The following MACF1 variants were observed in gnomAD, a reference collection of about 807,000 sequenced individuals.
MACF1 encodes the protein microtubule actin crosslinking factor 1.
In MACF1, 193 loss-of-function variants were observed where a neutral mutation model predicts 854.8. The ratio of observed to expected loss-of-function variants is 0.23; its 90% CI spans 0.20 to 0.25. MACF1 has a LOEUF of 0.25. Among genes scored for constraint, MACF1 ranks in the 10% least tolerant of loss-of-function variants. The pLI, the probability that MACF1 is intolerant of heterozygous loss-of-function variation, is 1.00. For synonymous variants in MACF1, 3,185 were observed against 3,226.7 expected (o/e 0.99, Z 0.44); for missense variants, 7,722 against 8,929.1 (o/e 0.86, Z 5.45).
intron 18 of MACF1, among the ~76,000 whole-genome samples, chr1:39,294,638 A>G (rs1645863920): frequency 6.6e-6 from 1 of 152,236 alleles, no homozygotes; most frequent in Non-Finnish European, 1.5e-5. Context: ...CCTGCAGTTA[A>G]TAGAATTTAG....
intron 2 of MACF1, among the ~76,000 whole-genome samples, chr1:39,174,804 A>C (rs2148225717): frequency 6.6e-6 from 1 of 152,278 alleles, no homozygotes; most frequent in South Asian, 2.1e-4. Flanking sequence ...GAGAAGCAAG[A>C]AATATCTTAG....
At chr1:39,359,767 G>C (rs1006731367) in intron 47 of MACF1, among the ~76,000 whole-genome samples, 1 of 150,968 alleles carries the variant, frequency 6.6e-6, no homozygotes, top group Non-Finnish European at 1.5e-5. Flanking sequence ...TCAGGAGATC[G>C]AGACCATCCT....
At position 39,177,210 on chromosome 1, in the gene MACF1, G is replaced by A. The variant is rs548102693; in HGVS notation, c.221-53972G>A. On this transcript the variant is annotated intron_variant, in intron 2 of 93. Transcript: ENST00000361689. ...GAGTGCAATGGCGCAATCTTGGTTC[G>A]CCACAACCCCCGCCTCCCAGGTTCA... Among the ~76,000 whole-genome samples the A allele has an allele frequency of 4.2e-4, 64 of 152,052 alleles. 2 individuals are homozygous for A. The South Asian group carries it at 7.7e-3, about 18-fold the overall frequency.
At chr1:39,220,481 ATTTTTTTT>A (rs370805398) in intron 1 of MACF1, among the ~76,000 whole-genome samples, 2 of 126,428 alleles carry the variant, frequency 1.6e-5, no homozygotes, top group African/African-American at 3.0e-5. Context: ...CCTTTAATGA[ATTTTTTTT>A]TTTTTTTTTT....
intron 2 of MACF1, among the ~76,000 whole-genome samples, chr1:39,171,203 TTGTGTGTGTGTG>T (rs147517281): frequency 1.4e-5 from 2 of 146,332 alleles, no homozygotes; most frequent in Non-Finnish European, 3.0e-5. Flanking sequence ...ATCTTTCTGT[TTGTGTGTGTGTG>T]TGTGTGTGTG....
intron 2 of MACF1, among the ~76,000 whole-genome samples, chr1:39,238,508 CT>C (rs1175132781): frequency 4.6e-5 from 7 of 152,180 alleles, no homozygotes; most frequent in Non-Finnish European, 1.5e-5. Flanking sequence ...TTGTTTCATA[CT>C]TTGTCTCTAA....
At chr1:39,393,196 A>AAAATATATATATATATATAT (rs57576149) in intron 58 of MACF1, among the ~76,000 whole-genome samples, 1 of 66,576 alleles carries the variant, frequency 1.5e-5, no homozygotes, top group African/African-American at 8.4e-5. Context: ...AAAAAAAAAA[A>AAAATATATATATATATATAT]ATATATATAT....
intron 21 of MACF1, chr1:39,299,132 T>A (rs1211189597): frequency 2.4e-6 from 1 of 419,046 alleles, no homozygotes; most frequent in Non-Finnish European, 4.7e-6. Flanking sequence ...GCAAGGAAAC[T>A]GAAATGGGTA....
rs372342388 is a variant in MACF1, at chr1:39,248,745, C to T, written c.172-1269C>T. Among the ~76,000 whole-genome samples the T allele has an allele frequency of 2.4e-4, 37 of 151,782 alleles. No individual in the cohort carries two copies. The East Asian group carries it at 6.2e-3, about 25-fold the overall frequency. On this transcript the variant is annotated intron_variant, in intron 2 of 100. Coordinates refer to ENST00000564288, the MANE Select transcript of MACF1 (RefSeq NM_001394062.1). ...GTGTTGTGAACATCACCTTTTTTTT[C>T]GAGACAGAGTCTTGTTCTGTCGCCT...
intron 6 of MACF1, among the ~76,000 whole-genome samples, chr1:39,272,703 G>T (rs1645348078): frequency 6.6e-6 from 1 of 152,180 alleles, no homozygotes; most frequent in African/African-American, 2.4e-5. Context: ...AGAGAAATGG[G>T]AACTGATTGT....
In MACF1 at chr1:39,427,942, TTTCC is replaced by T; in HGVS notation, c.16477-18_16477-15del. 1 of 1,568,054 alleles carries T rather than the reference TTTCC, an allele frequency of 6.4e-7. No homozygotes were observed. The highest frequency in any genetic ancestry group is 8.7e-7 in the Non-Finnish European group (1 of 1,149,486). ...TTTATTTTGTTTCTGTTATTCATTT[TTTCC>T]ATCTGGATTTCCAGGCTCTGGAAGA... On this transcript the variant is annotated splice_polypyrimidine_tract_variant and intron_variant, in intron 62 of 100. Transcript: ENST00000564288.
chr1:39,444,318 A>G lies in MACF1; in HGVS notation c.19432-344A>G, dbSNP rs1179505316. Among the ~76,000 whole-genome samples the G allele has an allele frequency of 3.3e-5, 5 of 152,232 alleles. No homozygotes were observed. In the South Asian group the frequency reaches 1.0e-3, roughly 32 times the overall value. On this transcript the variant is annotated intron_variant, in intron 79 of 100. Coordinates refer to ENST00000564288, the MANE Select transcript of MACF1 (RefSeq NM_001394062.1). ...GCCACTGCACTCCAGCCTGGGTGAC[A>G]GAGTGAGACTCCATCTCAAAAAAAA...
intron 48 of MACF1, 78 bp downstream of exon 48, chr1:39,361,079 C>G (rs1452314769): frequency 2.9e-5 from 35 of 1,194,790 alleles, no homozygotes; most frequent in Non-Finnish European, 3.9e-5. Context: ...GAAAAAGTAA[C>G]AAGAGGGAAC....
Position 39,444,735 on chromosome 1 carries a change from T to C in MACF1, c.19505T>C (p.Leu6502Pro), listed in dbSNP as rs1233802791. The C allele has an allele frequency of 6.2e-7, 1 of 1,614,186 alleles. No individual in the cohort carries two copies. The highest frequency in any genetic ancestry group is 8.5e-7 in the Non-Finnish European group (1 of 1,180,014). The change falls in exon 80 of 101, where the codon CTA becomes CCA. Residue 6502 changes from leucine (L) to proline (P), a missense_variant. Physicochemically the swap from Leu to Pro is moderately conservative, Grantham distance 98. Around this residue, in one of 15 missense-constraint regions of MACF1, gnomAD observed 729 missense variants for 900.5 expected, o/e 0.81. Transcript: ENST00000564288. The part of the protein sequence containing the change: ...QLLDKGRLML[L>P]SRDDSGSGSK... Reference sequence around the variant, plus strand: ...CTTGACAAGGGCAGACTCATGCTTCTAAGCCGTGACGACTCTGGGTCTGGC... The same window carrying C: ...CTTGACAAGGGCAGACTCATGCTTCCAAGCCGTGACGACTCTGGGTCTGGC...
chr1:39,423,524 A>G (rs888683078), intron 60 of MACF1, among the ~76,000 whole-genome samples: 21 of 151,004 alleles, frequency 1.4e-4, no homozygotes, highest in Non-Finnish European at 2.9e-4. Context: ...AGTCCCAGCT[A>G]CTCGGGAGGC....
intron 2 of MACF1, among the ~76,000 whole-genome samples, chr1:39,173,351 A>AAAAAAAAAG (rs1553155692): frequency 1.5e-4 from 19 of 126,242 alleles, no homozygotes; most frequent in East Asian, 2.2e-4. Context: ...AAAAAAAAAA[A>AAAAAAAAAG]AAAGAAAGAA....
At chr1:39,190,401 G>GTTTTTT (rs71057198) in intron 2 of MACF1, among the ~76,000 whole-genome samples, 44 of 105,948 alleles carry the variant, frequency 4.2e-4, no homozygotes, top group Admixed American at 7.8e-4. Flanking sequence ...GTTTGTTTTT[G>GTTTTTT]TTTTTTTTTT....
intron 2 of MACF1, among the ~76,000 whole-genome samples, chr1:39,126,129 C>T (rs1243440010): frequency 6.6e-6 from 1 of 152,180 alleles, no homozygotes; most frequent in African/African-American, 2.4e-5. Context: ...AACTGGGTGG[C>T]TTAAACAACA....
intron 3 of MACF1, among the ~76,000 whole-genome samples, chr1:39,251,099 C>T (rs1645035557): frequency 6.6e-6 from 1 of 152,166 alleles, no homozygotes. Flanking sequence ...TTTGATTTTA[C>T]TGCCTAAGTG....
Sources: allele counts gnomAD v4.1 joint callset (sites outside exome capture counted in the v4.1 genomes callset), GRCh38; gene constraint gnomAD v4.1.1; regional missense constraint gnomAD v4.1.1; transcripts MANE v1.5; gene names NCBI Gene and HGNC (gene_info 2026-07-23, HGNC 2026-07-21).